The following EPHA6 variants were observed in gnomAD, a reference collection of about 807,000 sequenced individuals.
EPHA6 encodes the protein EPH receptor A6, also known as ephrin type-A receptor 6.
In EPHA6, 50 loss-of-function variants were observed where a neutral mutation model predicts 112.0. The observed-to-expected ratio is 0.45, with a 90% CI of 0.36 to 0.56. The LOEUF (loss-of-function observed/expected upper bound fraction) is 0.56, where lower values mean the gene tolerates loss of function less well. EPHA6 is among the 20% of genes least tolerant of loss of function. EPHA6 has a pLI of 0.00. For synonymous variants in EPHA6, 529 were observed against 490.7 expected (o/e 1.08, Z -1.03); for missense variants, 1,280 against 1,417.4 (o/e 0.90, Z 1.56).
In EPHA6 at chr3:97,363,218, ATATATATATATATATATAT is replaced by A. The variant is rs1559922991; in HGVS notation, c.1607-41931_1607-41913del. On this transcript the variant is annotated intron_variant, in intron 5 of 17. Transcript: ENST00000389672. Reference sequence around the variant, plus strand: ...TATATATATATATATATATATATATATATATATATATATATATATAAATCTCAGATGCTACAAAAACTAA... The same window carrying A: ...TATATATATATATATATATATATATAAAATCTCAGATGCTACAAAAACTAA... Among the ~76,000 whole-genome samples the A allele has an allele frequency of 1.0e-3, 53 of 51,408 alleles. 3 individuals carry two copies. Among genetic ancestry groups the A allele is most frequent in the Non-Finnish European group, 1.6e-3 (42 of 26,968 alleles). The allele number at this position is 51,408 out of a possible 152,430, so 33.7% of individuals were successfully genotyped here. A position where few individuals can be genotyped will look rare whatever the true frequency, so the allele number is the denominator to read the frequency against.
chr3:97,241,593 A>C (rs1500695), intron 4 of EPHA6, among the ~76,000 whole-genome samples: 1 of 151,726 alleles, frequency 6.6e-6, no homozygotes, highest in Non-Finnish European at 1.5e-5. Context: ...TCTTTGTTCC[A>C]AGTTCTAAAT....
chr3:96,947,422 A>G (rs896394290), intron 2 of EPHA6, among the ~76,000 whole-genome samples: 13 of 152,242 alleles, frequency 8.5e-5, no homozygotes, highest in African/African-American at 2.9e-4. Flanking sequence ...TCCCAGCACC[A>G]TTTATTAAAT....
chr3:96,994,771 A>T (rs1246488411), intron 3 of EPHA6, among the ~76,000 whole-genome samples: 1 of 143,074 alleles, frequency 7.0e-6, no homozygotes, highest in Non-Finnish European at 1.5e-5. Context: ...AGCTATATAT[A>T]TACCTACAGG....
intron 10 of EPHA6, among the ~76,000 whole-genome samples, chr3:97,530,773 C>T (rs2092686708): frequency 6.6e-6 from 1 of 151,980 alleles, no homozygotes; most frequent in African/African-American, 2.4e-5. Flanking sequence ...TTCTAATGGA[C>T]ATGTGTACAC....
At chr3:97,543,195 C>T (rs2092891716) in intron 11 of EPHA6, among the ~76,000 whole-genome samples, 1 of 152,108 alleles carries the variant, frequency 6.6e-6, no homozygotes, top group African/African-American at 2.4e-5. Flanking sequence ...ATGGTATTGC[C>T]TAGGTTTTCT....
chr3:97,003,764 C>T (rs1460081320), intron 3 of EPHA6, among the ~76,000 whole-genome samples: 2 of 151,496 alleles, frequency 1.3e-5, no homozygotes, highest in African/African-American at 4.9e-5. Flanking sequence ...CCCTATTGAC[C>T]CGTCCTCTAA....
At chr3:97,711,930 C>A (rs1282852595) in intron 14 of EPHA6, among the ~76,000 whole-genome samples, 1 of 152,092 alleles carries the variant, frequency 6.6e-6, no homozygotes, top group Middle Eastern at 3.2e-3. Context: ...CACAGTGCAA[C>A]CTGATAAGAA....
intron 5 of EPHA6, among the ~76,000 whole-genome samples, chr3:97,291,452 G>A (rs1368200598): frequency 6.6e-6 from 1 of 152,014 alleles, no homozygotes; most frequent in Non-Finnish European, 1.5e-5. Context: ...TGGGTGTTGA[G>A]GTCCCCACCT....
intron 6 of EPHA6, among the ~76,000 whole-genome samples, chr3:97,414,974 G>A (rs1301246650): frequency 6.6e-6 from 1 of 151,936 alleles, no homozygotes; most frequent in East Asian, 1.9e-4. Flanking sequence ...GGCCTGGAGA[G>A]CATTTTCTGA....
chr3:97,591,701 C>T (rs2093546214), intron 11 of EPHA6, among the ~76,000 whole-genome samples: 1 of 152,166 alleles, frequency 6.6e-6, no homozygotes, highest in African/African-American at 2.4e-5. Flanking sequence ...GTTATTAAGA[C>T]ACCAAATTAT....
chr3:97,525,499 T>C (rs1425663969), intron 10 of EPHA6, among the ~76,000 whole-genome samples: 5 of 152,212 alleles, frequency 3.3e-5, no homozygotes, highest in Non-Finnish European at 7.3e-5. Context: ...ATCTCTTTTT[T>C]GGTGGGGTTG....
rs1472680417 is a variant in EPHA6 at position 96,842,946 on chromosome 3, G to A, written c.386-23879G>A. Among the ~76,000 whole-genome samples the A allele has an allele frequency of 2.6e-5, 4 of 152,136 alleles. No individual in the cohort carries two copies. The East Asian group carries it at 7.8e-4, about 30-fold the overall frequency. ...TCTCCCAGCTGCAGTTTTCAACTCA[G>A]TGTCTTTAAAATTTGGTACAGTCAG... is the stretch of plus-strand genomic sequence containing the variant. On this transcript the variant is annotated intron_variant, in intron 1 of 17. Coordinates refer to ENST00000389672, the MANE Select transcript of EPHA6 (RefSeq NM_001080448.3).
At chr3:97,015,562 A>C (rs2044236110) in intron 3 of EPHA6, among the ~76,000 whole-genome samples, 1 of 152,246 alleles carries the variant, frequency 6.6e-6, no homozygotes, top group Admixed American at 6.5e-5. Context: ...CTCCAATTTT[A>C]ATGTTAAAAA....
At chr3:97,205,353 A>G (rs751176156) in intron 3 of EPHA6, among the ~76,000 whole-genome samples, 4 of 152,088 alleles carry the variant, frequency 2.6e-5, no homozygotes, top group Middle Eastern at 3.4e-3. Flanking sequence ...TGCCCTTTCA[A>G]TTACATAAGA....
Position 97,751,917 on chromosome 3 carries a change from A to T in EPHA6, c.*3216A>T, listed in dbSNP as rs530381747. ...AGATGGTCAATTTTGTCTATGGTGA[A>T]CTCATTATCTCATAGTAGAAGGCAT... On this transcript the variant is annotated 3_prime_UTR_variant, in exon 18 of 18. Transcript: ENST00000389672. Among the ~76,000 whole-genome samples, 174 of 152,236 alleles carry T rather than the reference A, an allele frequency of 1.1e-3. 2 individuals carry two copies. The highest frequency in any genetic ancestry group is 6.8e-3 in the Middle Eastern group (2 of 292).
At chr3:97,534,238 C>G (rs772366353) in intron 11 of EPHA6, among the ~76,000 whole-genome samples, 1 of 152,088 alleles carries the variant, frequency 6.6e-6, no homozygotes, top group Non-Finnish European at 1.5e-5. Context: ...AAACCACATT[C>G]AATAATATTC....
At chr3:97,634,769 T>C (rs902735350) in intron 13 of EPHA6, among the ~76,000 whole-genome samples, 2 of 152,058 alleles carry the variant, frequency 1.3e-5, no homozygotes, top group Non-Finnish European at 2.9e-5. Flanking sequence ...TCCCATAAAA[T>C]AGATGAAGGC....
Position 96,899,056 on chromosome 3 carries a change from A to AC in EPHA6, c.450+32167_450+32168insC, listed in dbSNP as rs201316156. 7.1e-3 allele frequency among the ~76,000 whole-genome samples: 1,085 copies of AC among 151,948 alleles called. 11 individuals carry two copies. The highest frequency in any genetic ancestry group is 0.025 in the African/African-American group (1,018 of 41,396). ...AAAAAAAACAAAAACAAACAAACAA[A>AC]AAAAAAACAGGAATTTATTGCCTCA... On this transcript the variant is annotated intron_variant, in intron 2 of 17. Transcript: ENST00000389672.
intron 5 of EPHA6, among the ~76,000 whole-genome samples, chr3:97,378,865 A>T (rs1283221471): frequency 3.3e-5 from 5 of 152,110 alleles, no homozygotes; most frequent in Non-Finnish European, 7.4e-5. Flanking sequence ...GATGGGCAGA[A>T]GGGACTTGCC....
Sources: gnomAD v4.1 joint callset for allele counts (sites outside exome capture counted in the v4.1 genomes callset) on GRCh38, gnomAD v4.1.1 for gene constraint, MANE v1.5 for transcripts, NCBI Gene and HGNC (gene_info 2026-07-23, HGNC 2026-07-21) for gene names.